CTNNA3: variants seen among roughly 807,000 people sequenced by gnomAD.
CTNNA3 encodes catenin alpha 3, also known as catenin alpha-3.
CTNNA3 carries 76 observed loss-of-function variants against 95.7 expected under a neutral mutation model. The observed-to-expected ratio is 0.79, with a 90% CI of 0.66 to 0.96. The LOEUF (loss-of-function observed/expected upper bound fraction) is 0.96, where lower values mean the gene tolerates loss of function less well. Ranked by LOEUF, CTNNA3 falls within the 40% of genes least tolerant of loss-of-function variation. The probability of loss-of-function intolerance (pLI) is 0.00; values close to 1 mark genes in which losing one functional copy is unlikely to be tolerated. For missense variants in CTNNA3, 1,191 were observed against 1,089.8 expected (o/e 1.09, Z -1.31); for synonymous variants, 431 against 374.4 (o/e 1.15, Z -1.74).
intron 14 of CTNNA3, among the ~76,000 whole-genome samples, chr10:66,089,239 A>G (rs1206361886): frequency 1.3e-5 from 2 of 151,772 alleles, no homozygotes; most frequent in South Asian, 2.1e-4. Context: ...GCTGGAACTC[A>G]GGAGCTGAGG....
intron 11 of CTNNA3, among the ~76,000 whole-genome samples, chr10:66,506,881 G>A (rs1469507135): frequency 6.6e-6 from 1 of 151,986 alleles, no homozygotes; most frequent in African/African-American, 2.4e-5. Context: ...TATGGTAATA[G>A]GAAATTGGTT....
chr10:66,640,645 C>A (rs1422053570), intron 9 of CTNNA3, among the ~76,000 whole-genome samples: 1 of 152,108 alleles, frequency 6.6e-6, no homozygotes, highest in African/African-American at 2.4e-5. Context: ...TCATAATACC[C>A]AGCAAACAGA....
chr10:65,948,963 G>A (rs2077567911), intron 17 of CTNNA3, among the ~76,000 whole-genome samples: 1 of 151,946 alleles, frequency 6.6e-6, no homozygotes, highest in Admixed American at 6.6e-5. Context: ...TTATACTTTT[G>A]AAAATTCTTT....
chr10:65,982,775 T>C (rs2078349197), intron 16 of CTNNA3, among the ~76,000 whole-genome samples: 1 of 149,774 alleles, frequency 6.7e-6, no homozygotes, highest in South Asian at 2.1e-4. Flanking sequence ...AAAAAAAAAA[T>C]TAAAAAATTT....
At chr10:66,938,868 A>G (rs1847856154) in intron 7 of CTNNA3, among the ~76,000 whole-genome samples, 1 of 152,148 alleles carries the variant, frequency 6.6e-6, no homozygotes, top group African/African-American at 2.4e-5. Flanking sequence ...ATACACCTTC[A>G]TTTTTGTAGA....
chr10:67,151,259 G>A (rs895818070), intron 7 of CTNNA3, among the ~76,000 whole-genome samples: 1 of 151,682 alleles, frequency 6.6e-6, no homozygotes, highest in South Asian at 2.1e-4. Flanking sequence ...ATGCCTTTTT[G>A]TTTAATTTTC....
intron 5 of CTNNA3, among the ~76,000 whole-genome samples, chr10:67,427,535 C>T (rs1314890844): frequency 6.6e-6 from 1 of 151,910 alleles, no homozygotes; most frequent in Non-Finnish European, 1.5e-5. Flanking sequence ...AAGCTCACTG[C>T]CTTCTCGAGA....
chr10:66,903,945 C>T (rs567960478), intron 7 of CTNNA3, among the ~76,000 whole-genome samples: 13 of 152,094 alleles, frequency 8.5e-5, no homozygotes, highest in African/African-American at 2.2e-4. Context: ...TGAAAATGGC[C>T]GTACTGCCCA....
At chr10:67,239,782 T>C (rs928613422) in intron 5 of CTNNA3, among the ~76,000 whole-genome samples, 4 of 152,150 alleles carry the variant, frequency 2.6e-5, no homozygotes, top group African/African-American at 9.7e-5. Context: ...ATATTACCCA[T>C]GTCATTAAGG....
chr10:67,569,545 G>A (rs1589437870), intron 3 of CTNNA3, among the ~76,000 whole-genome samples: 2 of 152,110 alleles, frequency 1.3e-5, no homozygotes, highest in Admixed American at 1.3e-4. Context: ...GAAATCAGAG[G>A]TGTGATTCTT....
At chr10:67,033,853 C>T (rs1564844468) in intron 7 of CTNNA3, among the ~76,000 whole-genome samples, 1 of 152,134 alleles carries the variant, frequency 6.6e-6, no homozygotes, top group Non-Finnish European at 1.5e-5. Flanking sequence ...TCACCGCAAC[C>T]TCTGCCTCCC....
chr10:67,132,700 A>T (rs1204001852), intron 7 of CTNNA3, among the ~76,000 whole-genome samples: 1 of 152,102 alleles, frequency 6.6e-6, no homozygotes, highest in Non-Finnish European at 1.5e-5. Flanking sequence ...ATGGATAAAA[A>T]AAATGTCGTA....
chr10:67,652,783 T>C (rs1192481523), intron 1 of CTNNA3, among the ~76,000 whole-genome samples: 1 of 152,240 alleles, frequency 6.6e-6, no homozygotes, highest in Admixed American at 6.5e-5. Flanking sequence ...TTTAGATGTA[T>C]CATAAGTCAT....
At chr10:67,048,740 G>A (rs763731469) in intron 7 of CTNNA3, among the ~76,000 whole-genome samples, 1 of 151,978 alleles carries the variant, frequency 6.6e-6, no homozygotes, top group Admixed American at 6.6e-5. Flanking sequence ...AGCAAAGTGA[G>A]GTAGACAACA....
chr10:67,199,473 G>A (rs117170031), intron 6 of CTNNA3, among the ~76,000 whole-genome samples: 15 of 152,038 alleles, frequency 9.9e-5, no homozygotes, highest in Non-Finnish European at 1.9e-4. Flanking sequence ...GAGTTCAAGC[G>A]ATTCTTCTTC....
chr10:67,491,942 C>T (rs1037122038), intron 5 of CTNNA3, among the ~76,000 whole-genome samples: 5 of 151,774 alleles, frequency 3.3e-5, no homozygotes, highest in Non-Finnish European at 5.9e-5. Context: ...ATATATAATA[C>T]GTTTAAATTT....
intron 10 of CTNNA3, among the ~76,000 whole-genome samples, chr10:66,554,518 T>A (rs1479379847): frequency 2.0e-5 from 3 of 152,306 alleles, no homozygotes; most frequent in Non-Finnish European, 2.9e-5. Context: ...TTAATAGCTG[T>A]TACTCTTTCT....
chr10:66,611,942 G>C (rs1844342919), intron 10 of CTNNA3, among the ~76,000 whole-genome samples: 3 of 152,048 alleles, frequency 2.0e-5, no homozygotes, highest in Non-Finnish European at 4.4e-5. Flanking sequence ...CCATAATCTA[G>C]TGGTGACATC....
chr10:66,156,882 T>G (rs893932021), intron 13 of CTNNA3, among the ~76,000 whole-genome samples: 2 of 151,934 alleles, frequency 1.3e-5, no homozygotes, highest in Non-Finnish European at 2.9e-5. Flanking sequence ...ATGTATAATT[T>G]TGAATAGGGC....
Sources: allele counts gnomAD v4.1 joint callset (sites outside exome capture counted in the v4.1 genomes callset), GRCh38; gene constraint gnomAD v4.1.1; transcripts MANE v1.5; gene names NCBI Gene and HGNC (gene_info 2026-07-23, HGNC 2026-07-21).